MCTP1: variants seen among roughly 807,000 people sequenced by gnomAD.
MCTP1 encodes the protein multiple C2 and transmembrane domain-containing protein 1.
In MCTP1, 69 loss-of-function variants were observed where a neutral mutation model predicts 120.6. The ratio of observed to expected loss-of-function variants is 0.57; its 90% CI spans 0.47 to 0.70. MCTP1 has a LOEUF of 0.70. Among genes scored for constraint, MCTP1 ranks in the 30% least tolerant of loss-of-function variants. The pLI is 0.00. For synonymous variants in MCTP1, 529 were observed against 493.1 expected, an observed-to-expected ratio of 1.07 and a Z score of -0.96; for missense variants, 1,203 against 1,248.8, an observed-to-expected ratio of 0.96 and a Z score of 0.55.
intron 1 of MCTP1, 59 bp downstream of exon 1, chr5:95,283,797 C>G: frequency 7.7e-7 from 1 of 1,298,080 alleles, no homozygotes. Context: ...GTGGTGAACG[C>G]CTGAAGAGGG....
At chr5:95,032,774 T>C (rs1056098373) in intron 1 of MCTP1, among the ~76,000 whole-genome samples, 5 of 151,918 alleles carry the variant, frequency 3.3e-5, no homozygotes, top group African/African-American at 1.2e-4. Flanking sequence ...AAAAAAATTA[T>C]GCAAAGGATC....
At chr5:95,101,685 T>C (rs1756742907) in intron 1 of MCTP1, among the ~76,000 whole-genome samples, 1 of 152,214 alleles carries the variant, frequency 6.6e-6, no homozygotes, top group Non-Finnish European at 1.5e-5. Flanking sequence ...ACTCCAACAC[T>C]GCATTAGTTA....
At chr5:95,131,002 A>C (rs935157265) in intron 1 of MCTP1, among the ~76,000 whole-genome samples, 3 of 152,188 alleles carry the variant, frequency 2.0e-5, no homozygotes, top group African/African-American at 4.8e-5. Flanking sequence ...TTGTTTTAAC[A>C]AAGTTAATCT....
chr5:94,915,362 T>C (rs1809777329), intron 8 of MCTP1, among the ~76,000 whole-genome samples: 2 of 152,158 alleles, frequency 1.3e-5, no homozygotes, highest in Admixed American at 1.3e-4. Context: ...AAAAGGTAAG[T>C]ATGATTGAAA....
chr5:94,944,035 C>T (rs1046392773), intron 3 of MCTP1, among the ~76,000 whole-genome samples: 2 of 152,028 alleles, frequency 1.3e-5, no homozygotes, highest in Non-Finnish European at 2.9e-5. Flanking sequence ...GAATCAGTTG[C>T]TCTTTTTTTT....
At chr5:94,831,103 T>C (rs1239917915) in intron 17 of MCTP1, among the ~76,000 whole-genome samples, 1 of 152,212 alleles carries the variant, frequency 6.6e-6, no homozygotes. Flanking sequence ...CTTTAAAGTG[T>C]AGGCTACTGA....
intron 1 of MCTP1, among the ~76,000 whole-genome samples, chr5:95,210,990 T>C (rs561124382): frequency 4.6e-5 from 7 of 152,206 alleles, no homozygotes; most frequent in African/African-American, 1.4e-4. Context: ...TTTAAGAATG[T>C]TGAATATTGG....
intron 1 of MCTP1, chr5:95,038,189 TA>T: frequency 2.4e-6 from 2 of 824,624 alleles, no homozygotes; most frequent in Non-Finnish European, 2.9e-6. Context: ...CAGGTATAAC[TA>T]AAACATGAAC....
intron 1 of MCTP1, among the ~76,000 whole-genome samples, chr5:95,272,739 C>G (rs1421543098): frequency 1.1e-3 from 164 of 152,236 alleles, no homozygotes; most frequent in Non-Finnish European, 1.5e-5. Context: ...CTGTCTTATT[C>G]TGCTGATTCC....
At chr5:95,098,610 G>C (rs1017575932) in intron 1 of MCTP1, among the ~76,000 whole-genome samples, 21 of 151,050 alleles carry the variant, frequency 1.4e-4, no homozygotes, top group South Asian at 6.3e-4. Context: ...CACTGCTCAA[G>C]GAAATAAAAG....
At chr5:95,214,362 A>C (rs1752789579) in intron 1 of MCTP1, among the ~76,000 whole-genome samples, 1 of 152,002 alleles carries the variant, frequency 6.6e-6, no homozygotes, top group Non-Finnish European at 1.5e-5. Context: ...AAGTCAGGAA[A>C]CAACAGGTGC....
chr5:95,113,770 C>A (rs1757622726), intron 1 of MCTP1, among the ~76,000 whole-genome samples: 1 of 152,178 alleles, frequency 6.6e-6, no homozygotes, highest in Non-Finnish European at 1.5e-5. Context: ...AGTCAGTAGA[C>A]TTAAAGGGCA....
At chr5:94,891,613 C>G (rs1351049777) in intron 11 of MCTP1, among the ~76,000 whole-genome samples, 1 of 152,144 alleles carries the variant, frequency 6.6e-6, no homozygotes, top group Non-Finnish European at 1.5e-5. Flanking sequence ...TGCTTCGGCT[C>G]TGATCCTCTG....
chr5:94,764,828 C>CAA (rs57246943), intron 19 of MCTP1, among the ~76,000 whole-genome samples: 1,031 of 90,918 alleles, frequency 0.011, 8 homozygotes, highest in East Asian at 0.04. Flanking sequence ...TGACCTGGAC[C>CAA]AAAAAAAAAA....
chr5:95,255,652 T>G (rs1757810858), intron 1 of MCTP1, among the ~76,000 whole-genome samples: 2 of 152,154 alleles, frequency 1.3e-5, no homozygotes, highest in Non-Finnish European at 2.9e-5. Flanking sequence ...AACCCTTTTC[T>G]TAGAAAATAT....
intron 1 of MCTP1, among the ~76,000 whole-genome samples, chr5:95,018,648 ACCTTCT>A (rs1837602536): frequency 6.6e-6 from 1 of 151,892 alleles, no homozygotes; most frequent in Non-Finnish European, 1.5e-5. Context: ...AATTCACTCC[ACCTTCT>A]CATGATATCC....
chr5:94,867,100 G>T (rs1274012831), intron 17 of MCTP1: 49 of 679,242 alleles, frequency 7.2e-5, no homozygotes, highest in Non-Finnish European at 1.3e-5. Context: ...TCTCATCAAT[G>T]TAAAAGTACC....
chr5:94,800,811 T>G (rs187470694), intron 17 of MCTP1, among the ~76,000 whole-genome samples: 62 of 152,202 alleles, frequency 4.1e-4, no homozygotes, highest in African/African-American at 1.4e-3. Context: ...GAAATGATTT[T>G]GGACAGAATT....
chr5:94,827,363 T>A (rs560691628), intron 17 of MCTP1, among the ~76,000 whole-genome samples: 10 of 152,318 alleles, frequency 6.6e-5, no homozygotes, highest in Admixed American at 5.9e-4. Flanking sequence ...GGCTTACCTT[T>A]GTGGGTAACC....
Sources: allele counts gnomAD v4.1 joint callset (sites outside exome capture counted in the v4.1 genomes callset), GRCh38; gene constraint gnomAD v4.1.1; transcripts MANE v1.5; gene names NCBI Gene and HGNC (gene_info 2026-07-23, HGNC 2026-07-21).